MAL: variants seen among roughly 807,000 people sequenced by gnomAD.
MAL encodes the protein myelin and lymphocyte protein.
A neutral mutation model predicts 16.7 loss-of-function variants in MAL; 5 were observed. The ratio of observed to expected loss-of-function variants is 0.30; its 90% CI spans 0.16 to 0.63. The LOEUF is 0.63. Among genes scored for constraint, MAL ranks in the 30% least tolerant of loss-of-function variants. The pLI, the probability that MAL is intolerant of heterozygous loss-of-function variation, is 0.82. For synonymous variants in MAL, 96 were observed against 85.5 expected, an observed-to-expected ratio of 1.12 and a Z score of -0.67; for missense variants, 202 against 195.8, an observed-to-expected ratio of 1.03 and a Z score of -0.19.
intron 3 of MAL, among the ~76,000 whole-genome samples, chr2:95,052,445 G>GCTTA (rs1486243699): frequency 6.6e-6 from 1 of 152,228 alleles, no homozygotes; most frequent in Admixed American, 6.5e-5. Context: ...CAATAATTCA[G>GCTTA]CTTACTCACC....
chr2:95,032,774 G>A (rs1674115097), intron 1 of MAL, among the ~76,000 whole-genome samples: 1 of 152,216 alleles, frequency 6.6e-6, no homozygotes, highest in Non-Finnish European at 1.5e-5. Context: ...GGCATGAGCA[G>A]TGTAGCCATT....
At chr2:95,049,789 G>C (rs965728479) in intron 3 of MAL, 83 bp downstream of exon 3, 251 of 1,568,312 alleles carry the variant, frequency 1.6e-4, no homozygotes, top group Non-Finnish European at 2.1e-4. Context: ...CTAGGCCCTT[G>C]GTCTGTTTTC....
chr2:95,033,135 C>T (rs1325015569), intron 1 of MAL, among the ~76,000 whole-genome samples: 4 of 152,206 alleles, frequency 2.6e-5, no homozygotes, highest in African/African-American at 7.2e-5. Flanking sequence ...GGTCCCAGAA[C>T]CAACTTGGAG....
intron 1 of MAL, chr2:95,026,301 G>GA (rs949477979): frequency 4.3e-4 from 69 of 159,608 alleles, no homozygotes; most frequent in African/African-American, 7.9e-4. Context: ...CGTTAAAAAA[G>GA]AAAAAAAAAT....
At chr2:95,028,779 C>T (rs1019604880) in intron 1 of MAL, among the ~76,000 whole-genome samples, 3 of 152,206 alleles carry the variant, frequency 2.0e-5, no homozygotes, top group Non-Finnish European at 4.4e-5. Flanking sequence ...AAACTCTATG[C>T]TAAGCAAAAG....
At chr2:95,035,076 A>C (rs1441977184) in intron 1 of MAL, among the ~76,000 whole-genome samples, 1 of 152,172 alleles carries the variant, frequency 6.6e-6, no homozygotes, top group East Asian at 1.9e-4. Context: ...ACAGAGGGTG[A>C]AACTGACAAA....
intron 1 of MAL, among the ~76,000 whole-genome samples, chr2:95,033,876 T>C (rs1392931556): frequency 1.3e-5 from 2 of 152,188 alleles, no homozygotes; most frequent in African/African-American, 2.4e-5. Context: ...AGCCAGCTCA[T>C]CAAAGGAGCA....
chr2:95,036,557 G>A (rs1282170117), intron 1 of MAL, among the ~76,000 whole-genome samples: 1 of 152,270 alleles, frequency 6.6e-6, no homozygotes, highest in African/African-American at 2.4e-5. Context: ...TTCCCTGGGT[G>A]TGCCTGCCTT....
intron 1 of MAL, among the ~76,000 whole-genome samples, chr2:95,037,384 T>G (rs1327046456): frequency 0.18 from 7,357 of 40,940 alleles, no homozygotes; most frequent in Middle Eastern, 0.25. Flanking sequence ...GACTGAGTGA[T>G]TGACTGAGTG....
intron 1 of MAL, among the ~76,000 whole-genome samples, chr2:95,033,904 C>CGTGG (rs1674144410): frequency 6.6e-6 from 1 of 152,196 alleles, no homozygotes; most frequent in Non-Finnish European, 1.5e-5. Context: ...GCTGTGGGAA[C>CGTGG]GTGGGCAGGT....
intron 2 of MAL, 64 bp from the exon 3 acceptor site, chr2:95,049,517 T>C: frequency 6.3e-7 from 1 of 1,597,052 alleles, no homozygotes; most frequent in South Asian, 1.1e-5. Context: ...GGAGGGGACC[T>C]CAGCTCTGCA....
chr2:95,036,853 GTGAGTGAGTGACTGAGTGAC>G (rs1674223445), intron 1 of MAL, among the ~76,000 whole-genome samples: 1 of 151,836 alleles, frequency 6.6e-6, no homozygotes, highest in Non-Finnish European at 1.5e-5. Context: ...GGGTGAGTGA[GTGAGTGAGTGACTGAGTGAC>G]TGAGTGAGTA....
chr2:95,047,491 A>AGG (rs1051254305), intron 1 of MAL, among the ~76,000 whole-genome samples: 1 of 152,150 alleles, frequency 6.6e-6, no homozygotes, highest in African/African-American at 2.4e-5. Flanking sequence ...GAGGCTGAGG[A>AGG]GGGCAGATCA....
intron 1 of MAL, among the ~76,000 whole-genome samples, chr2:95,038,496 G>C (rs1360328286): frequency 1.3e-4 from 20 of 151,234 alleles, no homozygotes; most frequent in Non-Finnish European, 2.5e-4. Context: ...GAGTGAGTGA[G>C]TGACTGAGTG....
chr2:95,045,219 T>C (rs1674558931), intron 1 of MAL, among the ~76,000 whole-genome samples: 3 of 152,294 alleles, frequency 2.0e-5, no homozygotes, highest in African/African-American at 4.8e-5. Flanking sequence ...TTCCTCACTG[T>C]GAAATTCAGT....
chr2:95,047,976 G>T lies in MAL; in HGVS notation c.111G>T (p.Val37=). 1 of 1,613,862 alleles carries T rather than the reference G, an allele frequency of 6.2e-7. No individual in the cohort carries two copies. ...CCCCGCAGATCTTCGGGGGCCTGGT[G>T]TGGATCCTGGTGGCCTCCTCCCTGG... The part of the protein sequence containing the change: ...FIFEFIFGGL[V]WILVASSLVP... The change falls in exon 2 of 4, where the codon GTG becomes GTT. Residue 37 remains valine, a synonymous_variant. Coordinates refer to ENST00000309988, the MANE Select transcript of MAL (RefSeq NM_002371.4).
At chr2:95,034,522 G>T (rs535025869) in intron 1 of MAL, among the ~76,000 whole-genome samples, 6 of 152,318 alleles carry the variant, frequency 3.9e-5, no homozygotes, top group Non-Finnish European at 8.8e-5. Flanking sequence ...TTTCAAAAGC[G>T]ATTTGTCATC....
At chr2:95,028,395 A>C (rs1220264999) in intron 1 of MAL, among the ~76,000 whole-genome samples, 1 of 152,148 alleles carries the variant, frequency 6.6e-6, no homozygotes, top group Non-Finnish European at 1.5e-5. Context: ...ACCACTTCAC[A>C]CCCATTAGGA....
chr2:95,046,846 A>G (rs866052805), intron 1 of MAL, among the ~76,000 whole-genome samples: 1 of 151,450 alleles, frequency 6.6e-6, no homozygotes. Context: ...AGAGAGAAAG[A>G]GAAAGGGAGA....
Sources: allele counts gnomAD v4.1 joint callset (sites outside exome capture counted in the v4.1 genomes callset), GRCh38; gene constraint gnomAD v4.1.1; transcripts MANE v1.5; gene names NCBI Gene and HGNC (gene_info 2026-07-23, HGNC 2026-07-21).